The following SENP6 variants were observed in gnomAD, a reference collection of about 807,000 sequenced individuals.
SENP6 encodes the protein sentrin-specific protease 6.
In SENP6, 41 loss-of-function variants were observed where a neutral mutation model predicts 134.5. The ratio of observed to expected loss-of-function variants is 0.30; its 90% CI spans 0.24 to 0.40. SENP6 has a LOEUF of 0.40. Among genes scored for constraint, SENP6 ranks in the 10% least tolerant of loss-of-function variants. The probability of loss-of-function intolerance (pLI) is 1.00; values close to 1 mark genes in which losing one functional copy is unlikely to be tolerated. For missense variants in SENP6, 1,248 were observed against 1,312.5 expected (o/e 0.95, Z 0.76); for synonymous variants, 395 against 429.8 (o/e 0.92, Z 1.00).
In SENP6 at chr6:75,666,924, G is replaced by T. The variant is rs1380137276; in HGVS notation, c.1207G>T (p.Ala403Ser). 1.9e-6 allele frequency: 3 copies of T among 1,599,588 alleles called. No individual in the cohort carries two copies. The highest frequency in any genetic ancestry group is 1.7e-6 in the Non-Finnish European group (2 of 1,169,242). The change falls in exon 10 of 24, where the codon GCA becomes TCA. Residue 403 changes from alanine (A) to serine (S), a missense_variant. By Grantham distance (99) the Ala-to-Ser change is moderately conservative. Transcript: ENST00000447266. ...AAATACAGTTACATTGCCAAGAAAA[G>T]CAAGAATGAAAGACCAGGTACTTTT... ...ELNTVTLPRK[A>S]RMKDQFGNSI...
intron 1 of SENP6, among the ~76,000 whole-genome samples, chr6:75,608,195 C>T (rs185094440): frequency 4.5e-4 from 68 of 152,230 alleles, no homozygotes; most frequent in African/African-American, 1.6e-3. Flanking sequence ...GTGGGTCATA[C>T]CTGTTATCCT....
Position 75,602,328 on chromosome 6 carries a change from C to A in SENP6, c.-197C>A, listed in dbSNP as rs1038810630. On this transcript the variant is annotated 5_prime_UTR_variant, in exon 1 of 24. Transcript: ENST00000447266. Reference sequence around the variant, plus strand: ...GCCGCGGGCCTCGCTGCCCGCCAGCCCGCGGACAGGCCCGGGCGCGCCTGG... The same window carrying A: ...GCCGCGGGCCTCGCTGCCCGCCAGCACGCGGACAGGCCCGGGCGCGCCTGG... 2.6e-5 allele frequency: 13 copies of A among 496,648 alleles called. No homozygotes were observed. The highest frequency in any genetic ancestry group is 2.5e-4 in the African/African-American group (12 of 48,800). The allele number at this position is 496,648 out of a possible 1,614,324, so 30.8% of individuals were successfully genotyped here.
intron 6 of SENP6, among the ~76,000 whole-genome samples, chr6:75,645,660 A>G (rs1401814230): frequency 6.6e-6 from 1 of 152,190 alleles, no homozygotes; most frequent in Non-Finnish European, 1.5e-5. Flanking sequence ...ATTTTAGATC[A>G]TCTAGCAAAA....
chr6:75,714,658 A>T (rs2748953), intron 23 of SENP6, among the ~76,000 whole-genome samples: 47,666 of 151,884 alleles, frequency 0.31, 8,805 homozygotes, highest in Admixed American at 0.48. Context: ...ATGTGATCTG[A>T]CCCCCTATTT....
intron 1 of SENP6, among the ~76,000 whole-genome samples, chr6:75,609,982 T>G (rs1015518654): frequency 6.6e-5 from 10 of 152,138 alleles, no homozygotes; most frequent in African/African-American, 1.7e-4. Flanking sequence ...GAGATGGGGT[T>G]TCTCCATGTT....
chr6:75,712,955 A>G (rs984397956), intron 21 of SENP6, among the ~76,000 whole-genome samples: 3 of 152,060 alleles, frequency 2.0e-5, no homozygotes, highest in Non-Finnish European at 2.9e-5. Context: ...AAAAATACAA[A>G]AATTAGCTGA....
In SENP6 at chr6:75,670,731, C is replaced by T. The variant is rs2149873333; in HGVS notation, c.1392+11C>T. 1 of 1,572,758 alleles carries T rather than the reference C, an allele frequency of 6.4e-7. No homozygotes were observed. Among genetic ancestry groups the T allele is most frequent in the Non-Finnish European group, 8.7e-7 (1 of 1,153,126 alleles). On this transcript the variant is annotated intron_variant, in intron 11 of 23. Coordinates refer to ENST00000447266, the MANE Select transcript of SENP6 (RefSeq NM_015571.4). ...ATAGAGCCTGTAATTGTAAGTACAT[C>T]TTAAGCTCTTTACTATACCAATTAT... is the stretch of plus-strand genomic sequence containing the variant.
At chr6:75,652,450 T>C (rs1252660434) in intron 7 of SENP6, among the ~76,000 whole-genome samples, 1 of 151,984 alleles carries the variant, frequency 6.6e-6, no homozygotes, top group Non-Finnish European at 1.5e-5. Flanking sequence ...GCTTTTTATA[T>C]ATTTGATCTA....
intron 1 of SENP6, among the ~76,000 whole-genome samples, chr6:75,604,901 C>T (rs1339029330): frequency 1.3e-5 from 2 of 151,554 alleles, no homozygotes; most frequent in Non-Finnish European, 2.9e-5. Flanking sequence ...GGTGAAACCC[C>T]GTCTCTACTA....
intron 19 of SENP6, 105 bp downstream of exon 19, chr6:75,703,177 T>A: frequency 1.1e-6 from 1 of 951,878 alleles, no homozygotes; most frequent in Non-Finnish European, 1.6e-6. Context: ...GGTTAATGAC[T>A]GGGTGTGGTG....
rs1180513201 is a variant in SENP6 at position 75,609,441 on chromosome 6, G to C, written c.52+6865G>C. On this transcript the variant is annotated intron_variant, in intron 1 of 23. Transcript: ENST00000447266. ...GTCTTCCACATTGTATTGGCCAAAA[G>C]AATACAGAGCCAGCCCTGATTGAAG... Among the ~76,000 whole-genome samples, 5 of 152,302 alleles carry C rather than the reference G, an allele frequency of 3.3e-5. No individual in the cohort carries two copies. The South Asian group carries it at 1.0e-3, about 32-fold the overall frequency.
intron 16 of SENP6, among the ~76,000 whole-genome samples, chr6:75,684,696 A>G (rs537775014): frequency 3.9e-5 from 6 of 152,294 alleles, no homozygotes; most frequent in African/African-American, 1.2e-4. Flanking sequence ...ACGATGGATT[A>G]TGTTTATTGA....
chr6:75,605,295 G>A (rs190619175), intron 1 of SENP6, among the ~76,000 whole-genome samples: 1 of 152,222 alleles, frequency 6.6e-6, no homozygotes, highest in East Asian at 1.9e-4. Context: ...AGTGTACCAC[G>A]GTGAAGTGCA....
rs1038772842 is a variant in SENP6, at chr6:75,644,158, G to A, written c.479+3454G>A. 6 of 151,782 alleles carry A rather than the reference G, an allele frequency of 4.0e-5. No homozygotes were observed. In the South Asian group the frequency reaches 8.3e-4, roughly 21 times the overall value. 9.4% of individuals were successfully genotyped at this position (151,782 alleles called of 1,614,324 possible). A position where few individuals can be genotyped will look rare whatever the true frequency, so the allele number is the denominator to read the frequency against. ...ATTAGCATGGATGACACACGAATTA[G>A]TAAAGCATTTCATATTCTTGTAAAC... On this transcript the variant is annotated intron_variant, in intron 6 of 23. Transcript: ENST00000447266.
intron 16 of SENP6, among the ~76,000 whole-genome samples, chr6:75,688,920 G>A (rs1324915685): frequency 2.0e-5 from 3 of 152,172 alleles, no homozygotes; most frequent in Non-Finnish European, 4.4e-5. Flanking sequence ...TACAAAATTA[G>A]CCAGGTGTGG....
intron 16 of SENP6, among the ~76,000 whole-genome samples, chr6:75,686,002 G>A (rs1433099739): frequency 2.0e-5 from 3 of 152,142 alleles, no homozygotes; most frequent in Non-Finnish European, 4.4e-5. Context: ...GGGTGTTAAA[G>A]TCTCCCATTA....
rs1032108333 is a variant in SENP6 at position 75,664,903 on chromosome 6, G to C, written c.994+1385G>C. 2.6e-5 allele frequency among the ~76,000 whole-genome samples: 4 copies of C among 152,174 alleles called. No homozygotes were observed. The East Asian group carries it at 5.8e-4, about 22-fold the overall frequency. Reference sequence around the variant, plus strand: ...AGTTTATGTGTAGCAGGGAGAAACAGATAAACAAGTGAACATCCGCAACAA... The same window carrying C: ...AGTTTATGTGTAGCAGGGAGAAACACATAAACAAGTGAACATCCGCAACAA... On this transcript the variant is annotated intron_variant, in intron 9 of 23. Coordinates refer to ENST00000447266, the MANE Select transcript of SENP6 (RefSeq NM_015571.4).
chr6:75,640,485 G>C (rs937946843), intron 5 of SENP6, among the ~76,000 whole-genome samples, 199 bp from the exon 6 acceptor site: 1 of 150,462 alleles, frequency 6.6e-6, no homozygotes, highest in Non-Finnish European at 1.5e-5. Context: ...CTTCCTGTTT[G>C]TTTATTTTGT....
chr6:75,624,919 G>A (rs929636404), intron 3 of SENP6, among the ~76,000 whole-genome samples: 5 of 152,120 alleles, frequency 3.3e-5, no homozygotes, highest in Admixed American at 1.3e-4. Flanking sequence ...AATTGCTTTA[G>A]GCCAGGAGTT....
Sources: gnomAD v4.1 joint callset for allele counts (sites outside exome capture counted in the v4.1 genomes callset) on GRCh38, gnomAD v4.1.1 for gene constraint, MANE v1.5 for transcripts, NCBI Gene and HGNC (gene_info 2026-07-23, HGNC 2026-07-21) for gene names.